The following SUSD3 variants were observed in gnomAD, a reference collection of about 807,000 sequenced individuals.
SUSD3 encodes the protein sushi domain-containing protein 3.
Under a neutral mutation model 20.6 loss-of-function variants are expected in SUSD3, and 18 were observed. That is an observed-to-expected ratio of 0.87 (90% confidence interval 0.60 to 1.30). The LOEUF (loss-of-function observed/expected upper bound fraction) is 1.30. Ranked by LOEUF, SUSD3 falls within the 50% of genes most tolerant of loss-of-function variation. The probability of loss-of-function intolerance (pLI) is 0.00; values close to 1 mark genes in which losing one functional copy is unlikely to be tolerated. For missense variants in SUSD3, 306 were observed against 346.9 expected (o/e 0.88, Z 0.94); for synonymous variants, 137 against 141.5 (o/e 0.97, Z 0.23).
At chr9:93,073,519 A>G (rs1162337049) in intron 1 of SUSD3, among the ~76,000 whole-genome samples, 1 of 152,058 alleles carries the variant, frequency 6.6e-6, no homozygotes, top group African/African-American at 2.4e-5. Context: ...AAGTGCTGGG[A>G]TTACAGGCGT....
At chr9:93,081,779 G>A (rs1340765864) in intron 4 of SUSD3, among the ~76,000 whole-genome samples, 2 of 152,184 alleles carry the variant, frequency 1.3e-5, no homozygotes, top group Non-Finnish European at 1.5e-5. Context: ...ACACGTTCCA[G>A]GTCACCATGG....
intron 4 of SUSD3, among the ~76,000 whole-genome samples, chr9:93,083,654 T>A (rs1316363014): frequency 6.6e-6 from 1 of 152,000 alleles, no homozygotes; most frequent in African/African-American, 2.4e-5. Context: ...AACCAGTAAG[T>A]GAGGCTGGGT....
At chr9:93,060,252 C>T (rs532156945) in intron 1 of SUSD3, among the ~76,000 whole-genome samples, 1 of 152,262 alleles carries the variant, frequency 6.6e-6, no homozygotes, top group African/African-American at 2.4e-5. Flanking sequence ...GCACTGGCCC[C>T]CTTGTTGGAG....
chr9:93,065,605 G>T (rs1025370535), intron 1 of SUSD3, among the ~76,000 whole-genome samples: 1 of 152,230 alleles, frequency 6.6e-6, no homozygotes, highest in Admixed American at 6.5e-5. Flanking sequence ...AGGGGGCCAC[G>T]TGGCCAGCCC....
At chr9:93,074,171 G>A (rs1406780227) in intron 1 of SUSD3, among the ~76,000 whole-genome samples, 1 of 152,104 alleles carries the variant, frequency 6.6e-6, no homozygotes, top group Non-Finnish European at 1.5e-5. Flanking sequence ...CTGGCCGGGT[G>A]TGGTGGCTCA....
chr9:93,081,860 C>T (rs765524463), intron 4 of SUSD3, among the ~76,000 whole-genome samples: 2 of 152,192 alleles, frequency 1.3e-5, no homozygotes, highest in Non-Finnish European at 2.9e-5. Context: ...ATCTGCTAGA[C>T]CCTCCCCTGT....
chr9:93,065,534 T>C (rs1415936954), intron 1 of SUSD3, among the ~76,000 whole-genome samples: 7 of 152,204 alleles, frequency 4.6e-5, no homozygotes, highest in Non-Finnish European at 1.0e-4. Context: ...CACAGAGGAA[T>C]GCAGAAGTCG....
At chr9:93,078,247 G>C (rs1231299089) in intron 3 of SUSD3, among the ~76,000 whole-genome samples, 1 of 152,184 alleles carries the variant, frequency 6.6e-6, no homozygotes, top group African/African-American at 2.4e-5. Flanking sequence ...GGGTTCACGG[G>C]GGATTATTTT....
intron 2 of SUSD3, among the ~76,000 whole-genome samples, chr9:93,077,610 G>C (rs778916938): frequency 1.4e-4 from 21 of 152,070 alleles, no homozygotes; most frequent in Non-Finnish European, 2.8e-4. Flanking sequence ...CAAATAACCT[G>C]CTTCTTGGGG....
At chr9:93,065,455 C>T (rs1825670236) in intron 1 of SUSD3, among the ~76,000 whole-genome samples, 1 of 152,262 alleles carries the variant, frequency 6.6e-6, no homozygotes, top group Non-Finnish European at 1.5e-5. Context: ...TCCCATCCGC[C>T]AACGGCTACT....
chr9:93,073,391 C>T (rs1051606300), intron 1 of SUSD3, among the ~76,000 whole-genome samples: 22 of 152,068 alleles, frequency 1.4e-4, no homozygotes, highest in Non-Finnish European at 1.0e-4. Flanking sequence ...GGACTTCAGG[C>T]GCCCGCCACC....
At chr9:93,074,768 C>T (rs1326552134) in intron 1 of SUSD3, among the ~76,000 whole-genome samples, 1 of 151,956 alleles carries the variant, frequency 6.6e-6, no homozygotes, top group African/African-American at 2.4e-5. Flanking sequence ...GCACATGCCA[C>T]CATGCCCAGC....
intron 4 of SUSD3, among the ~76,000 whole-genome samples, chr9:93,084,239 A>G (rs1331097032): frequency 6.6e-6 from 1 of 152,026 alleles, no homozygotes; most frequent in Admixed American, 6.5e-5. Flanking sequence ...CACACTCTGA[A>G]TGAGCCCCAG....
At chr9:93,067,622 C>T (rs1368450571) in intron 1 of SUSD3, among the ~76,000 whole-genome samples, 5 of 145,688 alleles carry the variant, frequency 3.4e-5, no homozygotes, top group African/African-American at 5.1e-5. Flanking sequence ...TTTCTTGAAA[C>T]GAAGTCTTGC....
intron 1 of SUSD3, among the ~76,000 whole-genome samples, chr9:93,059,445 T>C (rs1319963364): frequency 3.3e-5 from 5 of 152,166 alleles, no homozygotes; most frequent in Admixed American, 3.3e-4. Flanking sequence ...TTTTAAGTGT[T>C]TGAATTCAAG....
intron 1 of SUSD3, among the ~76,000 whole-genome samples, chr9:93,059,821 G>A (rs1344365026): frequency 6.6e-6 from 1 of 152,226 alleles, no homozygotes; most frequent in South Asian, 2.1e-4. Context: ...CTAATTCACC[G>A]AGCAGAGGTC....
At position 93,069,842 on chromosome 9, in the gene SUSD3, C is replaced by T. The variant is rs1395645776; in HGVS notation, c.89-5942C>T. Among the ~76,000 whole-genome samples, 7 of 151,468 alleles carry T rather than the reference C, an allele frequency of 4.6e-5. No homozygotes were observed. In the South Asian group the frequency reaches 6.2e-4, roughly 13 times the overall value. ...TTGCCCAGGCTGGAGTGCAGTGGTA[C>T]GATTTTGGCTCACTGCAACCTCTGC... On this transcript the variant is annotated intron_variant, in intron 1 of 4. Coordinates refer to ENST00000375472, the MANE Select transcript of SUSD3 (RefSeq NM_145006.4).
rs1236302643 is a variant in SUSD3, at chr9:93,058,856, G to T, written c.88+26G>T. 5 of 1,234,400 alleles carry T rather than the reference G, an allele frequency of 4.1e-6. No individual in the cohort carries two copies. The East Asian group carries it at 1.3e-4, about 31-fold the overall frequency. The allele number at this position is 1,234,400 out of a possible 1,614,324, so 76.5% of individuals were successfully genotyped here. A position where few individuals can be genotyped will look rare whatever the true frequency, so the allele number is the denominator to read the frequency against. ...GTGAGGGCTGGGGCCGAGTGGCCGC[G>T]TGCGGGGCTCTGCGCCCATTTCACA... On this transcript the variant is annotated intron_variant, in intron 1 of 4. Transcript: ENST00000375472.
intron 1 of SUSD3, among the ~76,000 whole-genome samples, chr9:93,073,056 T>G (rs1485859014): frequency 2.0e-5 from 3 of 151,980 alleles, no homozygotes; most frequent in Non-Finnish European, 4.4e-5. Flanking sequence ...TGTGGAATAA[T>G]GGGGTCCCTC....
Sources: allele counts gnomAD v4.1 joint callset (sites outside exome capture counted in the v4.1 genomes callset), GRCh38; gene constraint gnomAD v4.1.1; transcripts MANE v1.5; gene names NCBI Gene and HGNC (gene_info 2026-07-23, HGNC 2026-07-21).